The following PTPRZ1 variants were observed in gnomAD, a reference collection of about 807,000 sequenced individuals.
The protein encoded by PTPRZ1 is protein tyrosine phosphatase receptor type Z1.
Under a neutral mutation model 214.1 loss-of-function variants are expected in PTPRZ1, and 82 were observed. That is an observed-to-expected ratio of 0.38 (90% CI 0.32 to 0.46). PTPRZ1 has a LOEUF of 0.46. PTPRZ1 is among the 20% of genes least tolerant of loss of function. PTPRZ1 has a pLI of 1.00. For synonymous variants in PTPRZ1, 945 were observed against 987.9 expected (o/e 0.96, Z 0.81); for missense variants, 2,603 against 2,748.7 (o/e 0.95, Z 1.19).
intron 2 of PTPRZ1, among the ~76,000 whole-genome samples, chr7:121,954,894 C>T (rs973399701): frequency 1.3e-5 from 2 of 152,214 alleles, no homozygotes; most frequent in African/African-American, 4.8e-5. Flanking sequence ...TTTCTTGTTC[C>T]TTGAATGTGA....
intron 12 of PTPRZ1, among the ~76,000 whole-genome samples, chr7:122,017,172 T>TA (rs1306238478): frequency 6.6e-6 from 1 of 152,154 alleles, no homozygotes; most frequent in African/African-American, 2.4e-5. Context: ...TAACAATAGT[T>TA]ACAATAGAAA....
At position 122,012,271 on chromosome 7, in the gene PTPRZ1, T is replaced by C. The variant is rs1400699982; in HGVS notation, c.3225T>C (p.Tyr1075=). The change falls in exon 12 of 30, where the codon TAT becomes TAC. Residue 1075 remains tyrosine, a synonymous_variant. Transcript: ENST00000393386. ...AAAGCACAGTCATGCCCAACATGTA[T>C]GATAATGTAAATAAGTTGAATGCGT... ...PSESTVMPNM[Y]DNVNKLNASL... 6.2e-7 allele frequency: 1 copy of C among 1,614,176 alleles called. No homozygotes were observed. The highest frequency in any genetic ancestry group is 2.2e-5 in the East Asian group (1 of 44,884).
chr7:121,908,874 A>G (rs1244337597), intron 1 of PTPRZ1: 20 of 507,448 alleles, frequency 3.9e-5, no homozygotes, highest in Middle Eastern at 3.4e-4. Flanking sequence ...TATAAAATAT[A>G]TAGTGTGGAA....
At chr7:122,008,119 A>G (rs542023485) in intron 11 of PTPRZ1, among the ~76,000 whole-genome samples, 45 of 152,268 alleles carry the variant, frequency 3.0e-4, no homozygotes, top group African/African-American at 1.0e-3. Context: ...AAATTTTATG[A>G]AAATTTACAT....
rs201769622 is a variant in PTPRZ1, at chr7:122,059,747, T to C, written c.6672-6T>C. On this transcript the variant is annotated splice_region_variant and splice_polypyrimidine_tract_variant and intron_variant, in intron 28 of 29. Transcript: ENST00000393386. ...CTTTGTTCCTTTTCTTTTTTTTTTTTACAAGGCATGGAGGAGTGACGGCAG... is the reference window on the plus strand; with the variant it reads ...CTTTGTTCCTTTTCTTTTTTTTTTTCACAAGGCATGGAGGAGTGACGGCAG... 1.3e-6 allele frequency: 2 copies of C among 1,582,206 alleles called. No homozygotes were observed. Among genetic ancestry groups the C allele is most frequent in the Middle Eastern group, 1.7e-4 (1 of 5,840 alleles).
chr7:121,948,612 G>C (rs951323698), intron 2 of PTPRZ1, among the ~76,000 whole-genome samples: 3 of 152,178 alleles, frequency 2.0e-5, no homozygotes. Context: ...TTTCAGGCAA[G>C]GGCAGGGAAA....
At chr7:122,050,113 G>A (rs1280468011) in intron 23 of PTPRZ1, among the ~76,000 whole-genome samples, 2 of 152,050 alleles carry the variant, frequency 1.3e-5, no homozygotes, top group Non-Finnish European at 2.9e-5. Context: ...AAAGGTGAAA[G>A]CAAACCTTTA....
intron 22 of PTPRZ1, 40 bp downstream of exon 22, chr7:122,042,783 T>C: frequency 6.4e-7 from 1 of 1,571,840 alleles, no homozygotes. Flanking sequence ...ATCTAAGGTA[T>C]GGAAATGTCA....
chr7:122,011,875 T>C lies in PTPRZ1; in HGVS notation c.2829T>C (p.Ser943=). The C allele has an allele frequency of 6.2e-7, 1 of 1,614,122 alleles. No homozygotes were observed. The highest frequency in any genetic ancestry group is 8.5e-7 in the Non-Finnish European group (1 of 1,179,910). Residue 943 remains serine, a synonymous_variant, in exon 12 of 30, where the codon TCT becomes TCC. Coordinates refer to ENST00000393386, the MANE Select transcript of PTPRZ1 (RefSeq NM_002851.3). ...NEGSQHIFTV[S]YSSAIPVHDS... Reference sequence around the variant, plus strand: ...GCTCCCAACACATCTTCACTGTTTCTTACAGTTCTGCAATACCTGTGCATG... The same window carrying C: ...GCTCCCAACACATCTTCACTGTTTCCTACAGTTCTGCAATACCTGTGCATG...
chr7:121,889,218 G>A (rs1794501998), intron 1 of PTPRZ1, among the ~76,000 whole-genome samples: 1 of 152,076 alleles, frequency 6.6e-6, no homozygotes, highest in Admixed American at 6.6e-5. Context: ...TTTGGAGACG[G>A]TATTAGTCAT....
intron 9 of PTPRZ1, among the ~76,000 whole-genome samples, chr7:121,997,204 G>A (rs1391856253): frequency 1.3e-5 from 2 of 152,120 alleles, no homozygotes; most frequent in Non-Finnish European, 2.9e-5. Context: ...CCTTCATCTG[G>A]ATGTAGGTCC....
intron 12 of PTPRZ1, among the ~76,000 whole-genome samples, chr7:122,016,060 T>C (rs79293529): frequency 0.037 from 5,597 of 152,106 alleles, 134 homozygotes; most frequent in Non-Finnish European, 0.058. Flanking sequence ...CAGGATGTGT[T>C]CTTTAAAATA....
chr7:122,041,820 G>C (rs925036148), intron 21 of PTPRZ1, among the ~76,000 whole-genome samples: 1 of 152,170 alleles, frequency 6.6e-6, no homozygotes, highest in Non-Finnish European at 1.5e-5. Flanking sequence ...AAATTTGAGA[G>C]ACCCATCTTG....
At chr7:121,900,946 T>C (rs1483523246) in intron 1 of PTPRZ1, among the ~76,000 whole-genome samples, 1 of 152,198 alleles carries the variant, frequency 6.6e-6, no homozygotes, top group African/African-American at 2.4e-5. Context: ...GTAAGACTTA[T>C]TATATCCATT....
chr7:121,988,188 T>C (rs1340278339), intron 8 of PTPRZ1, among the ~76,000 whole-genome samples: 1 of 152,108 alleles, frequency 6.6e-6, no homozygotes, highest in Non-Finnish European at 1.5e-5. Flanking sequence ...AATAAATAAA[T>C]ACATAAATAT....
chr7:121,968,931 T>G (rs914842753), intron 3 of PTPRZ1, among the ~76,000 whole-genome samples: 4 of 152,192 alleles, frequency 2.6e-5, no homozygotes, highest in African/African-American at 9.6e-5. Flanking sequence ...CATAATAATT[T>G]AATTTCAAAA....
At chr7:121,940,180 A>G (rs1796200446) in intron 2 of PTPRZ1, among the ~76,000 whole-genome samples, 1 of 152,168 alleles carries the variant, frequency 6.6e-6, no homozygotes, top group Admixed American at 6.5e-5. Context: ...TTGATTGGCA[A>G]TGGCTTACAT....
At chr7:121,890,558 C>G (rs1794561091) in intron 1 of PTPRZ1, among the ~76,000 whole-genome samples, 1 of 152,166 alleles carries the variant, frequency 6.6e-6, no homozygotes, top group Admixed American at 6.5e-5. Flanking sequence ...TTATGTCACT[C>G]TCCAATTTCT....
intron 1 of PTPRZ1, among the ~76,000 whole-genome samples, chr7:121,907,994 T>A (rs1297949884): frequency 6.6e-6 from 1 of 152,066 alleles, no homozygotes; most frequent in Non-Finnish European, 1.5e-5. Context: ...ATATTCAGAC[T>A]CTGAGTAGAG....
Sources: allele counts gnomAD v4.1 joint callset (sites outside exome capture counted in the v4.1 genomes callset), GRCh38; gene constraint gnomAD v4.1.1; transcripts MANE v1.5; gene names NCBI Gene and HGNC (gene_info 2026-07-23, HGNC 2026-07-21).